Variants in COL25A1 observed in about 807,000 individuals in gnomAD.
COL25A1 encodes collagen alpha-1(XXV) chain.
Under a neutral mutation model 128.4 loss-of-function variants are expected in COL25A1, and 103 were observed. That is an observed-to-expected ratio of 0.80 (90% confidence interval 0.68 to 0.94). The LOEUF (loss-of-function observed/expected upper bound fraction) is 0.94. Ranked by LOEUF, COL25A1 falls within the 40% of genes least tolerant of loss-of-function variation. The pLI is 0.00. For missense variants in COL25A1, 745 were observed against 840.0 expected, an observed-to-expected ratio of 0.89 and a Z score of 1.40; for synonymous variants, 279 against 277.2, an observed-to-expected ratio of 1.01 and a Z score of -0.06.
intron 11 of COL25A1, among the ~76,000 whole-genome samples, chr4:108,932,542 T>A (rs1746877035): frequency 6.6e-6 from 1 of 152,112 alleles, no homozygotes; most frequent in Non-Finnish European, 1.5e-5. Flanking sequence ...AATGAATACG[T>A]TATGGAGTTT....
rs1158184110 is a variant in COL25A1, at chr4:108,835,861, C to CTTTTTTTTTTTTTTTTTTTT, written c.1657-3448_1657-3429dup. Among the ~76,000 whole-genome samples, 31 of 45,720 alleles carry CTTTTTTTTTTTTTTTTTTTT rather than the reference C, an allele frequency of 6.8e-4. 1 individual carries two copies. The highest frequency in any genetic ancestry group is 8.0e-4 in the Non-Finnish European group (22 of 27,386). 30.0% of individuals were successfully genotyped at this position (45,720 alleles called of 152,430 possible). ...GCCACAGTGCCCGGCTTACATACGT[C>CTTTTTTTTTTTTTTTTTTTT]TTTTTTTTTTTTTTTTTTTTTTTTT... On this transcript the variant is annotated intron_variant, in intron 31 of 37. Coordinates refer to ENST00000399132, the MANE Select transcript of COL25A1 (RefSeq NM_198721.4).
intron 3 of COL25A1, among the ~76,000 whole-genome samples, chr4:109,179,803 GTGTA>G (rs1177989870): frequency 5.9e-5 from 9 of 152,270 alleles, no homozygotes; most frequent in Non-Finnish European, 1.2e-4. Flanking sequence ...AGAGAGTTCT[GTGTA>G]TGTTTCTTGT....
intron 3 of COL25A1, among the ~76,000 whole-genome samples, chr4:109,216,212 G>A (rs1005461530): frequency 6.6e-6 from 1 of 151,602 alleles, no homozygotes; most frequent in Non-Finnish European, 1.5e-5. Context: ...GGAAAATGTC[G>A]GGCACACAGC....
intron 12 of COL25A1, among the ~76,000 whole-genome samples, chr4:108,919,802 A>G (rs1745290896): frequency 6.6e-6 from 1 of 152,072 alleles, no homozygotes; most frequent in South Asian, 2.1e-4. Context: ...GCTCTGTCTC[A>G]CCCAGGCTGG....
At chr4:108,913,105 T>C (rs1744433054) in intron 13 of COL25A1, among the ~76,000 whole-genome samples, 1 of 151,910 alleles carries the variant, frequency 6.6e-6, no homozygotes, top group Non-Finnish European at 1.5e-5. Flanking sequence ...TCCCTATGAC[T>C]CTGCAGGCCT....
intron 3 of COL25A1, among the ~76,000 whole-genome samples, chr4:109,275,930 C>A (rs1489686575): frequency 1.3e-5 from 2 of 152,202 alleles, no homozygotes; most frequent in African/African-American, 4.8e-5. Context: ...CCTCCCTCCA[C>A]CACCCTTGCT....
intron 7 of COL25A1, 54 bp downstream of exon 7, chr4:108,974,479 G>C (rs903228904): frequency 6.2e-7 from 1 of 1,606,382 alleles, no homozygotes; most frequent in South Asian, 1.1e-5. Context: ...ACACAGTATA[G>C]GTCACGCCAA....
At chr4:109,301,455 C>T (rs1725516073) in intron 2 of COL25A1, among the ~76,000 whole-genome samples, 1 of 152,094 alleles carries the variant, frequency 6.6e-6, no homozygotes, top group African/African-American at 2.4e-5. Flanking sequence ...ATGCCCTTTC[C>T]GAACCCTTTT....
rs555007976 is a variant in COL25A1 at position 109,083,612 on chromosome 4, G to A, written c.368-33433C>T. Among the ~76,000 whole-genome samples the A allele has an allele frequency of 1.1e-4, 16 of 151,762 alleles. No homozygotes were observed. In the South Asian group the frequency reaches 1.7e-3, roughly 16 times the overall value. ...CGAGTAGCTGGGACTGCAGGCACCC[G>A]CTACCACGCCCGGCTAATTTTTTGT... is the stretch of plus-strand genomic sequence containing the variant. On this transcript the variant is annotated intron_variant, in intron 3 of 37. Transcript: ENST00000399132.
At chr4:108,828,826 C>T (rs1289520911) in intron 32 of COL25A1, among the ~76,000 whole-genome samples, 1 of 152,112 alleles carries the variant, frequency 6.6e-6, no homozygotes, top group Non-Finnish European at 1.5e-5. Flanking sequence ...TGGCAAAACG[C>T]CAGGTTCAGC....
At chr4:109,062,000 C>A (rs1398538438) in intron 3 of COL25A1, among the ~76,000 whole-genome samples, 2 of 152,134 alleles carry the variant, frequency 1.3e-5, no homozygotes, top group Non-Finnish European at 2.9e-5. Flanking sequence ...GGAACTAACA[C>A]AGAATTTTTA....
At chr4:109,131,786 G>A (rs1258091701) in intron 3 of COL25A1, among the ~76,000 whole-genome samples, 1 of 152,176 alleles carries the variant, frequency 6.6e-6, no homozygotes, top group Non-Finnish European at 1.5e-5. Context: ...GAACCCAGAT[G>A]GTGCCCCTGA....
chr4:109,233,339 T>C (rs1056393622), intron 3 of COL25A1, among the ~76,000 whole-genome samples: 3 of 152,178 alleles, frequency 2.0e-5, no homozygotes, highest in Non-Finnish European at 4.4e-5. Context: ...TGTCCCTACA[T>C]GTTAATTACG....
intron 3 of COL25A1, among the ~76,000 whole-genome samples, chr4:109,164,302 T>A (rs900873851): frequency 6.6e-6 from 1 of 152,256 alleles, no homozygotes; most frequent in East Asian, 1.9e-4. Flanking sequence ...AGTGAAACAA[T>A]GAAAGAATCC....
rs369673609 is a variant in COL25A1 at position 108,973,480 on chromosome 4, T to C, written c.492+887A>G. Among the ~76,000 whole-genome samples, 53 of 152,324 alleles carry C rather than the reference T, an allele frequency of 3.5e-4. No homozygotes were observed. The East Asian group carries it at 7.7e-3, about 22-fold the overall frequency. On this transcript the variant is annotated intron_variant, in intron 8 of 37. Transcript: ENST00000399132. ...ATCAACTGCATCTTTTGCAAAAATA[T>C]CTCTATGCAGTATAAATGCATTTAA...
At chr4:109,218,357 G>GTTTTTTTTTTTTTTGTTTTGTTTT in intron 3 of COL25A1, among the ~76,000 whole-genome samples, 1 of 73,564 alleles carries the variant, frequency 1.4e-5, no homozygotes, top group East Asian at 5.1e-4. Context: ...GTTTTTTGGG[G>GTTTTTTTTTTTTTTGTTTTGTTTT]TTTTTTTTTT....
At chr4:109,149,976 GTGTA>G (rs1283455768) in intron 3 of COL25A1, among the ~76,000 whole-genome samples, 1 of 149,968 alleles carries the variant, frequency 6.7e-6, no homozygotes, top group Non-Finnish European at 1.5e-5. Context: ...GTGTATGTAT[GTGTA>G]TGTATGTGTG....
chr4:108,881,075 G>A (rs905580728), intron 19 of COL25A1, among the ~76,000 whole-genome samples: 12 of 152,164 alleles, frequency 7.9e-5, no homozygotes, highest in African/African-American at 1.9e-4. Flanking sequence ...ATGAATGCAC[G>A]AAATAGGAAT....
chr4:108,886,475 TGTGTGTGTGTGTG>T (rs1740804304), intron 18 of COL25A1, among the ~76,000 whole-genome samples: 2 of 127,912 alleles, frequency 1.6e-5, no homozygotes, highest in African/African-American at 5.5e-5. Context: ...TGTGTGTGTG[TGTGTGTGTGTGTG>T]TGTGTTTAGC....
Sources: allele counts gnomAD v4.1 joint callset (sites outside exome capture counted in the v4.1 genomes callset), GRCh38; gene constraint gnomAD v4.1.1; transcripts MANE v1.5; gene names NCBI Gene and HGNC (gene_info 2026-07-23, HGNC 2026-07-21).